Variants in SYTL5 observed in about 807,000 individuals in gnomAD.
The protein encoded by SYTL5 is synaptotagmin like 5.
In SYTL5, 34 loss-of-function variants were observed where a neutral mutation model predicts 55.9. That is an observed-to-expected ratio of 0.61 (90% CI 0.46 to 0.81). SYTL5 has a LOEUF of 0.81. SYTL5 is among the 30% of genes least tolerant of loss of function. SYTL5 has a pLI of 0.00. For missense variants in SYTL5, 637 were observed against 546.7 expected (o/e 1.17, Z -1.65); for synonymous variants, 221 against 188.7 (o/e 1.17, Z -1.40).
intron 3 of SYTL5, among the ~76,000 whole-genome samples, chrX:38,058,357 T>A (rs73465468): frequency 0.05 from 5,553 of 111,261 alleles, 121 homozygotes; most frequent in Middle Eastern, 0.088. Flanking sequence ...TAGTTTTGAT[T>A]ATATTTGCTT....
At chrX:37,943,581 G>C in the SYTL5 span, among the ~76,000 whole-genome samples, 10 of 111,330 alleles carry the variant, frequency 9.0e-5, no homozygotes, top group Admixed American at 2.9e-4. Context: ...ATCGAGGATG[G>C]GGGATGAGAA....
intron 7 of SYTL5, among the ~76,000 whole-genome samples, chrX:38,090,128 A>G (rs1001219291): frequency 1.7e-4 from 19 of 112,235 alleles, no homozygotes; most frequent in Non-Finnish European, 5.6e-5. Context: ...TAGCACTTGT[A>G]TGATGGAGTT....
At chrX:37,895,506 T>C in the SYTL5 span, among the ~76,000 whole-genome samples, 5 of 75,827 alleles carry the variant, frequency 6.6e-5, no homozygotes, top group Non-Finnish European at 1.0e-4. Context: ...CTTTCTTTCT[T>C]TTTCTTTTCT....
At chrX:37,895,504 CTTTTTCT>C in the SYTL5 span, among the ~76,000 whole-genome samples, 1 of 44,967 alleles carries the variant, frequency 2.2e-5, no homozygotes, top group African/African-American at 1.7e-4. Context: ...TTCTTTCTTT[CTTTTTCT>C]TTTCTTTTCT....
the SYTL5 span, among the ~76,000 whole-genome samples, chrX:37,941,514 C>T: frequency 3.5e-5 from 2 of 56,434 alleles, no homozygotes; most frequent in Non-Finnish European, 8.4e-5. Flanking sequence ...GCTGCAAAAA[C>T]CTGCTACTAT....
chrX:37,995,086 G>C, the SYTL5 span, among the ~76,000 whole-genome samples: 1 of 110,095 alleles, frequency 9.1e-6, no homozygotes, highest in Non-Finnish European at 1.9e-5. Flanking sequence ...CCGGCCCTGT[G>C]GGGAGGAACT....
At chrX:37,902,018 A>G in the SYTL5 span, among the ~76,000 whole-genome samples, 1 of 112,697 alleles carries the variant, frequency 8.9e-6, no homozygotes. Flanking sequence ...TATATGTAAT[A>G]GGAAATAGGG....
chrX:37,895,604 A>G, the SYTL5 span, among the ~76,000 whole-genome samples: 2 of 109,538 alleles, frequency 1.8e-5, no homozygotes, highest in Non-Finnish European at 3.8e-5. Context: ...TTGAACTCTT[A>G]AAATTATCTT....
the SYTL5 span, among the ~76,000 whole-genome samples, chrX:37,922,605 G>A: frequency 1.8e-5 from 2 of 111,580 alleles, no homozygotes; most frequent in East Asian, 5.6e-4. Flanking sequence ...TTTTGGCAAT[G>A]CCCTTTATTA....
At chrX:37,958,208 C>CA in the SYTL5 span, among the ~76,000 whole-genome samples, 3,371 of 67,653 alleles carry the variant, frequency 0.05, 117 homozygotes, top group African/African-American at 0.14. Flanking sequence ...GACTCCATCT[C>CA]AAAAAAAAAA....
At chrX:37,965,095 T>A in the SYTL5 span, among the ~76,000 whole-genome samples, 30 of 111,605 alleles carry the variant, frequency 2.7e-4, no homozygotes, top group Non-Finnish European at 5.1e-4. Flanking sequence ...TTTATTTCCT[T>A]CTTTCTTCTA....
intron 1 of SYTL5, among the ~76,000 whole-genome samples, chrX:38,020,438 T>C (rs1303536226): frequency 2.0e-5 from 2 of 98,168 alleles, no homozygotes; most frequent in South Asian, 4.8e-4. Context: ...TATATATATA[T>C]ATATATATAT....
intron 2 of SYTL5, among the ~76,000 whole-genome samples, chrX:38,041,298 C>A (rs1857668446): frequency 8.9e-6 from 1 of 112,204 alleles, no homozygotes; most frequent in African/African-American, 3.2e-5. Flanking sequence ...AGCAATAATA[C>A]CCTTTTAATA....
chrX:37,921,294 G>A, the SYTL5 span, among the ~76,000 whole-genome samples: 1 of 111,394 alleles, frequency 9.0e-6, no homozygotes, highest in African/African-American at 3.3e-5. Context: ...ATATGAAACT[G>A]TCTTTCCTGA....
At chrX:37,904,664 A>G in the SYTL5 span, among the ~76,000 whole-genome samples, 3 of 111,222 alleles carry the variant, frequency 2.7e-5, no homozygotes, top group South Asian at 7.8e-4. Context: ...TATATTCCCT[A>G]CGCATCCAAT....
At chrX:38,043,208 C>A (rs1935336479) in intron 2 of SYTL5, among the ~76,000 whole-genome samples, 1 of 110,942 alleles carries the variant, frequency 9.0e-6, no homozygotes, top group Non-Finnish European at 1.9e-5. Flanking sequence ...AAACCTCAAT[C>A]CACTTAAACA....
At chrX:37,897,970 T>A in the SYTL5 span, among the ~76,000 whole-genome samples, 2 of 111,244 alleles carry the variant, frequency 1.8e-5, no homozygotes, top group Non-Finnish European at 3.8e-5. Context: ...TGGAGGTGGG[T>A]ACCCGTAATC....
the SYTL5 span, among the ~76,000 whole-genome samples, chrX:37,978,227 A>T: frequency 9.0e-6 from 1 of 111,423 alleles, no homozygotes; most frequent in African/African-American, 3.3e-5. Flanking sequence ...GGTTTGGGGA[A>T]TATTTCTAAG....
At chrX:37,892,859 C>A in the SYTL5 span, among the ~76,000 whole-genome samples, 792 of 84,821 alleles carry the variant, frequency 9.3e-3, 8 homozygotes, top group Middle Eastern at 0.038. Flanking sequence ...ACATACCACA[C>A]TCTATACTAT....
Sources: allele counts gnomAD v4.1 joint callset (sites outside exome capture counted in the v4.1 genomes callset), GRCh38; gene constraint gnomAD v4.1.1; transcripts MANE v1.5; gene names NCBI Gene and HGNC (gene_info 2026-07-23, HGNC 2026-07-21).